The following UTRN variants were observed in gnomAD, a reference collection of about 807,000 sequenced individuals.
The protein encoded by UTRN is dystrophin-related protein 1.
UTRN carries 283 observed loss-of-function variants against 463.9 expected under a neutral mutation model. The observed-to-expected ratio is 0.61, with a 90% CI of 0.55 to 0.67. The LOEUF (loss-of-function observed/expected upper bound fraction) is 0.67. Ranked by LOEUF, UTRN falls within the 30% of genes least tolerant of loss-of-function variation. The probability of loss-of-function intolerance (pLI) is 0.00; values close to 1 mark genes in which losing one functional copy is unlikely to be tolerated. For missense variants in UTRN, 3,922 were observed against 4,084.3 expected (o/e 0.96, Z 1.08); for synonymous variants, 1,442 against 1,431.5 (o/e 1.01, Z -0.17).
At chr6:144,331,261 A>G (rs937859467) in intron 2 of UTRN, among the ~76,000 whole-genome samples, 2 of 152,200 alleles carry the variant, frequency 1.3e-5, no homozygotes, top group Non-Finnish European at 2.9e-5. Context: ...CATTTTCTAA[A>G]TATGATTTAT....
At chr6:144,344,820 G>C (rs1355863633) in intron 2 of UTRN, among the ~76,000 whole-genome samples, 1 of 152,172 alleles carries the variant, frequency 6.6e-6, no homozygotes, top group Non-Finnish European at 1.5e-5. Flanking sequence ...TGAGTGCTGG[G>C]GTTTCTGTTT....
chr6:144,666,085 T>C (rs1780359366), intron 51 of UTRN, among the ~76,000 whole-genome samples: 1 of 152,162 alleles, frequency 6.6e-6, no homozygotes, highest in Non-Finnish European at 1.5e-5. Context: ...TAAGCATCAG[T>C]AGGGCCAAGT....
At chr6:144,769,925 C>A (rs1205101746) in intron 58 of UTRN, among the ~76,000 whole-genome samples, 1 of 152,180 alleles carries the variant, frequency 6.6e-6, no homozygotes, top group Non-Finnish European at 1.5e-5. Flanking sequence ...TGAGACTCTG[C>A]ATTTCTGTAA....
chr6:144,551,964 A>G (rs1018409639), intron 48 of UTRN, among the ~76,000 whole-genome samples: 3 of 151,896 alleles, frequency 2.0e-5, no homozygotes, highest in African/African-American at 7.3e-5. Flanking sequence ...GTGAATGTTA[A>G]TTTCTATTTT....
intron 34 of UTRN, among the ~76,000 whole-genome samples, chr6:144,502,268 T>A (rs1011996149): frequency 1.2e-4 from 18 of 152,122 alleles, no homozygotes; most frequent in Admixed American, 5.9e-4. Context: ...TCCTTTTTTT[T>A]AATTGTTATA....
intron 50 of UTRN, among the ~76,000 whole-genome samples, chr6:144,560,342 G>A (rs1367989098): frequency 6.6e-6 from 1 of 152,106 alleles, no homozygotes; most frequent in Non-Finnish European, 1.5e-5. Flanking sequence ...CCGCCTCTCA[G>A]TTCTGTCTGT....
Position 144,742,049 on chromosome 6 carries a change from C to A in UTRN, c.7940-6197C>A, listed in dbSNP as rs9373426. On this transcript the variant is annotated intron_variant, in intron 54 of 74. Transcript: ENST00000367545. ...CCCTAAATCTGTTTACTTTTGAGGTCTTGATGTTCCCTAAATATATCTAGG... is the reference window on the plus strand; with the variant it reads ...CCCTAAATCTGTTTACTTTTGAGGTATTGATGTTCCCTAAATATATCTAGG... Among the ~76,000 whole-genome samples the A allele has an allele frequency of 3.3e-3, 501 of 151,164 alleles. 17 individuals are homozygous for A. In the East Asian group the frequency reaches 0.079, roughly 24 times the overall value.
chr6:144,539,904 G>C (rs12664819), intron 45 of UTRN, among the ~76,000 whole-genome samples: 3 of 151,784 alleles, frequency 2.0e-5, no homozygotes. Context: ...TTTGCCAGGC[G>C]TAGTGGCACA....
chr6:144,501,304 T>G (rs1794156015), intron 34 of UTRN, among the ~76,000 whole-genome samples: 1 of 152,162 alleles, frequency 6.6e-6, no homozygotes, highest in Non-Finnish European at 1.5e-5. Context: ...AAGGACATAT[T>G]ATCATCCTCG....
chr6:144,291,024 T>C (rs1344186907), intron 1 of UTRN, among the ~76,000 whole-genome samples: 1 of 151,770 alleles, frequency 6.6e-6, no homozygotes, highest in Non-Finnish European at 1.5e-5. Flanking sequence ...TCCACCTGCC[T>C]CGGCCTCCCA....
intron 47 of UTRN, among the ~76,000 whole-genome samples, chr6:144,550,504 T>C (rs1798808676): frequency 6.6e-6 from 1 of 152,186 alleles, no homozygotes; most frequent in South Asian, 2.1e-4. Context: ...ATTTAATTTA[T>C]AGTTATTCCT....
Position 144,577,099 on chromosome 6 carries a change from T to C in UTRN, c.7290T>C (p.Ser2430=). Reference sequence around the variant, plus strand: ...CGTGCTGTCATATTGTTACTTTCAGTATTGCTGACAGACAGAACGCCTTGG... The same window carrying C: ...CGTGCTGTCATATTGTTACTTTCAGCATTGCTGACAGACAGAACGCCTTGG... ...LKTSWINLKQ[S]IADRQNALEA... The change falls in exon 51 of 75, where the codon AGT becomes AGC. Residue 2430 remains serine, a splice_region_variant and synonymous_variant. Transcript: ENST00000367545. 1 of 1,612,722 alleles carries C rather than the reference T, an allele frequency of 6.2e-7. No homozygotes were observed. The highest frequency in any genetic ancestry group is 1.1e-5 in the South Asian group (1 of 90,984).
chr6:144,393,400 A>T (rs1782112698), intron 2 of UTRN, among the ~76,000 whole-genome samples: 1 of 152,254 alleles, frequency 6.6e-6, no homozygotes, highest in Admixed American at 6.5e-5. Flanking sequence ...GAAGCTTCTG[A>T]CTTAAACTAG....
At chr6:144,517,805 A>G (rs1246487350) in intron 39 of UTRN, among the ~76,000 whole-genome samples, 3 of 152,212 alleles carry the variant, frequency 2.0e-5, no homozygotes, top group African/African-American at 7.2e-5. Context: ...AGGCTGTACC[A>G]TCTAGGTTTG....
intron 53 of UTRN, among the ~76,000 whole-genome samples, chr6:144,700,914 A>ATT (rs112417838): frequency 7.3e-5 from 8 of 109,770 alleles, no homozygotes; most frequent in East Asian, 2.7e-4. Flanking sequence ...TGTATTTTGT[A>ATT]TTTTTTTTTT....
At position 144,794,289 on chromosome 6, in the gene UTRN, G is replaced by A. The variant is rs1025071524; in HGVS notation, c.9078+298G>A. 9.9e-5 allele frequency among the ~76,000 whole-genome samples: 15 copies of A among 151,970 alleles called. 2 individuals carry two copies. The highest frequency in any genetic ancestry group is 3.4e-4 in the African/African-American group (14 of 41,358). ...CCTACCATTCCTCTCCTTGCTCTCCGCTTTCCAGCTGCACTGTTTTATTTC... is the reference window on the plus strand; with the variant it reads ...CCTACCATTCCTCTCCTTGCTCTCCACTTTCCAGCTGCACTGTTTTATTTC... On this transcript the variant is annotated intron_variant, in intron 63 of 74. Coordinates refer to ENST00000367545, the MANE Select transcript of UTRN (RefSeq NM_007124.3).
intron 59 of UTRN, 63 bp from the exon 60 acceptor site, chr6:144,774,227 C>A: frequency 7.0e-7 from 1 of 1,424,550 alleles, no homozygotes; most frequent in Non-Finnish European, 9.6e-7. Flanking sequence ...CAAATACATT[C>A]TGGGCATTCA....
chr6:144,399,513 G>A (rs1584615141), intron 2 of UTRN, among the ~76,000 whole-genome samples: 1 of 152,136 alleles, frequency 6.6e-6, no homozygotes, highest in Non-Finnish European at 1.5e-5. Flanking sequence ...CATCCAATAA[G>A]AGATTTCTTT....
chr6:144,535,242 G>A lies in UTRN; in HGVS notation c.6233+1982G>A, dbSNP rs1797422875. On this transcript the variant is annotated intron_variant, in intron 43 of 74. Transcript: ENST00000367545. Reference sequence around the variant, plus strand: ...ATGACAGGTGCCTGTCACCATGCCTGGCTAATTTTCATATTTTTAGTAGAG... The same window carrying A: ...ATGACAGGTGCCTGTCACCATGCCTAGCTAATTTTCATATTTTTAGTAGAG... 3.9e-5 allele frequency among the ~76,000 whole-genome samples: 6 copies of A among 152,090 alleles called. 1 individual carries two copies. Among genetic ancestry groups the A allele is most frequent in the Admixed American group, 2.6e-4 (4 of 15,268 alleles).
Sources: allele counts gnomAD v4.1 joint callset (sites outside exome capture counted in the v4.1 genomes callset), GRCh38; gene constraint gnomAD v4.1.1; transcripts MANE v1.5; gene names NCBI Gene and HGNC (gene_info 2026-07-23, HGNC 2026-07-21).